TEX15: variants seen among roughly 807,000 people sequenced by gnomAD.
TEX15 encodes testis expressed 15, meiosis and synapsis associated.
TEX15 carries 171 observed loss-of-function variants against 237.3 expected under a neutral mutation model. The observed-to-expected ratio is 0.72, with a 90% CI of 0.64 to 0.82. TEX15 has a LOEUF of 0.82. Among genes scored for constraint, TEX15 ranks in the 40% least tolerant of loss-of-function variants. TEX15 has a pLI of 0.00. For missense variants in TEX15, 3,750 were observed against 3,646.5 expected (o/e 1.03, Z -0.73); for synonymous variants, 1,338 against 1,269.8 (o/e 1.05, Z -1.14).
chr8:30,841,168 C>T (rs971057586), intron 8 of TEX15, among the ~76,000 whole-genome samples: 1 of 152,196 alleles, frequency 6.6e-6, no homozygotes, highest in African/African-American at 2.4e-5. Flanking sequence ...AGTCTGCCCA[C>T]CTTGGCCTCC....
chr8:30,886,031 AT>A (rs1486743511), intron 3 of TEX15, among the ~76,000 whole-genome samples: 1 of 152,100 alleles, frequency 6.6e-6, no homozygotes, highest in African/African-American at 2.4e-5. Flanking sequence ...TTCTCAGTTA[AT>A]TATAGTTCCA....
At chr8:30,851,055 C>G (rs904874754) in intron 7 of TEX15, among the ~76,000 whole-genome samples, 1 of 152,100 alleles carries the variant, frequency 6.6e-6, no homozygotes, top group African/African-American at 2.4e-5. Flanking sequence ...TCCTGGAAAA[C>G]AAGCTGACAG....
In TEX15 at chr8:30,842,927, C is replaced by T. The variant is rs534199129; in HGVS notation, c.7240G>A (p.Asp2414Asn). 1 of 1,609,610 alleles carries T rather than the reference C, an allele frequency of 6.2e-7. No homozygotes were observed. The highest frequency in any genetic ancestry group is 1.1e-5 in the South Asian group (1 of 90,482). ...YFQMLQDNNM[D>N]NIFITEENVL... ...TTTTCTTCTGTGATAAAAATATTAT[C>T]CATGTTATTATCTTGTAGCATCTGA... Residue 2414 changes from aspartate (D) to asparagine (N), a missense_variant, in exon 8 of 11, where the codon GAT becomes AAT. Asp to Asn is a conservative substitution (Grantham distance 23, BLOSUM62 1). Transcript: ENST00000643185.
intron 10 of TEX15, among the ~76,000 whole-genome samples, chr8:30,836,577 A>G (rs1331526774): frequency 6.6e-6 from 1 of 152,174 alleles, no homozygotes; most frequent in Non-Finnish European, 1.5e-5. Context: ...TGAAGAACAA[A>G]CATGTCAAGG....
intron 4 of TEX15, among the ~76,000 whole-genome samples, chr8:30,873,757 G>T (rs548293152): frequency 2.0e-5 from 3 of 152,196 alleles, no homozygotes; most frequent in African/African-American, 7.2e-5. Context: ...TATACTAGGA[G>T]AATGAGACAC....
chr8:30,847,167 G>A lies in TEX15; in HGVS notation c.3000C>T (p.Asp1000=), dbSNP rs150062151. The stretch of plus-strand genomic sequence containing the variant: ...CTTTAAACTGGTATATCTGGTGATC[G>A]TCATTATTTAGGCTTAATGCAGGCA... The part of the protein sequence containing the change: ...ATMPALSLNN[D]DHQIYQFKET... The change falls in exon 8 of 11, where the codon GAC becomes GAT. Residue 1000 remains aspartate (D), a synonymous_variant. Transcript: ENST00000643185. 5.0e-5 allele frequency: 81 copies of A among 1,613,688 alleles called. No homozygotes were observed. The highest frequency in any genetic ancestry group is 5.7e-5 in the Non-Finnish European group (67 of 1,179,838).
intron 8 of TEX15, 97 bp from the exon 9 acceptor site, chr8:30,840,061 T>C: frequency 4.6e-6 from 3 of 657,720 alleles, no homozygotes; most frequent in Non-Finnish European, 7.0e-6. Flanking sequence ...AATTGCTTGT[T>C]CTGCCATCAT....
Position 30,837,206 on chromosome 8 carries a change from T to C in TEX15, c.9078A>G (p.Pro3026=), listed in dbSNP as rs981460790. ...ATAAATGCTCAGAAGAATTATATGT[T>C]GGGTTACATGCAGACTGTGGAAGTT... ...WNELPQSACN[P]TYNSSEHLFG... is the part of the protein sequence containing the mutation. The change falls in exon 10 of 11, where the codon CCA becomes CCG. Residue 3026 remains proline (P), a synonymous_variant. Transcript: ENST00000643185. 1 of 1,614,040 alleles carries C rather than the reference T, an allele frequency of 6.2e-7. No individual in the cohort carries two copies. Among genetic ancestry groups the C allele is most frequent in the African/African-American group, 1.3e-5 (1 of 74,924 alleles).
rs1807645733 is a variant in TEX15, at chr8:30,847,417, T to A, written c.2750A>T (p.Glu917Val). The change falls in exon 8 of 11, where the codon GAA becomes GTA. Residue 917 changes from glutamate (E) to valine (V), a missense_variant. Glu to Val is a moderately radical substitution (Grantham distance 121, BLOSUM62 -2). Coordinates refer to ENST00000643185, the MANE Select transcript of TEX15 (RefSeq NM_001350162.2). ...YHNIEILSSE[E>V]FSTKFNLICR... ...AATCAAGTTAAATTTAGTAGAAAAT[T>A]CTTCAGAACTCAAAATTTCTATATT... 1 of 1,611,698 alleles carries A rather than the reference T, an allele frequency of 6.2e-7. No individual in the cohort carries two copies. The highest frequency in any genetic ancestry group is 8.5e-7 in the Non-Finnish European group (1 of 1,179,424).
chr8:30,860,956 T>C (rs1425640172), intron 5 of TEX15, among the ~76,000 whole-genome samples: 1 of 151,574 alleles, frequency 6.6e-6, no homozygotes, highest in African/African-American at 2.4e-5. Flanking sequence ...CAATTGACAA[T>C]GATGGAACAG....
At chr8:30,871,794 G>C (rs973398090) in intron 4 of TEX15, among the ~76,000 whole-genome samples, 13 of 152,062 alleles carry the variant, frequency 8.5e-5, no homozygotes, top group African/African-American at 3.1e-4. Flanking sequence ...ATGATCACAT[G>C]GATGAAATGC....
intron 3 of TEX15, among the ~76,000 whole-genome samples, chr8:30,883,031 A>G (rs1808563140): frequency 6.6e-6 from 1 of 152,182 alleles, no homozygotes; most frequent in African/African-American, 2.4e-5. Flanking sequence ...TTGGCCTTCC[A>G]AAGTGCTGGG....
rs771958199 is a variant in TEX15, at chr8:30,843,328, C to T, written c.6839G>A (p.Trp2280Ter). ...IFFDAAKNLVWKERTQSFSKK... is the reference protein window; with the variant it reads ...IFFDAAKNLV ...GCTGAAGGATTGTGTTCTCTCTTTC[C>T]AAACAAGATTTTTTGCAGCATCAAA... Residue 2280 changes from tryptophan (W) to a stop codon, truncating the protein, a stop_gained, in exon 8 of 11, where the codon TGG becomes TAG. Coordinates refer to ENST00000643185, the MANE Select transcript of TEX15 (RefSeq NM_001350162.2). LOFTEE classifies it high-confidence loss of function. 1.9e-6 allele frequency: 3 copies of T among 1,611,474 alleles called. No individual in the cohort carries two copies. Among genetic ancestry groups the T allele is most frequent in the Non-Finnish European group, 2.5e-6 (3 of 1,179,276 alleles).
In TEX15 at chr8:30,845,814, T is replaced by C. The variant is rs1207921924; in HGVS notation, c.4353A>G (p.Lys1451=). The C allele has an allele frequency of 6.2e-7, 1 of 1,609,062 alleles. No individual in the cohort carries two copies. The highest frequency in any genetic ancestry group is 1.7e-5 in the Admixed American group (1 of 58,992). Residue 1451 remains lysine, a synonymous_variant, in exon 8 of 11, where the codon AAA becomes AAG. Coordinates refer to ENST00000643185, the MANE Select transcript of TEX15 (RefSeq NM_001350162.2). ...CTCTTTTCTTTCTCCGTTTGTCATA[T>C]TTTCTTTTTGACGAAAAATGCTTAG... ...YSTKHFSSKR[K]YDKRRKKRAP...
At chr8:30,858,987 C>G (rs1039459990) in intron 6 of TEX15, among the ~76,000 whole-genome samples, 157 bp from the exon 7 acceptor site, 1 of 152,084 alleles carries the variant, frequency 6.6e-6, no homozygotes, top group Non-Finnish European at 1.5e-5. Flanking sequence ...TGAAGATGTA[C>G]AGAATTCCTT....
chr8:30,907,664 A>C (rs1200429529), intron 1 of TEX15, among the ~76,000 whole-genome samples: 1 of 141,274 alleles, frequency 7.1e-6, no homozygotes, highest in East Asian at 2.0e-4. Flanking sequence ...TATATAATTT[A>C]TATATAAATT....
At chr8:30,849,408 A>G (rs1585287013) in intron 7 of TEX15, 92 bp from the exon 8 acceptor site, 2 of 713,124 alleles carry the variant, frequency 2.8e-6, no homozygotes, top group Non-Finnish European at 4.4e-6. Flanking sequence ...ATTTTAATTG[A>G]AAGTTCAGCT....
intron 4 of TEX15, among the ~76,000 whole-genome samples, chr8:30,868,314 T>C (rs1808218896): frequency 6.6e-6 from 1 of 152,038 alleles, no homozygotes; most frequent in Non-Finnish European, 1.5e-5. Flanking sequence ...TTAGATATTC[T>C]ATATGGCTTG....
intron 2 of TEX15, among the ~76,000 whole-genome samples, chr8:30,888,429 C>A (rs1183681628): frequency 1.3e-5 from 2 of 152,068 alleles, no homozygotes; most frequent in Non-Finnish European, 2.9e-5. Context: ...AAGACAACAT[C>A]AAATATTGCT....
Sources: gnomAD v4.1 joint callset for allele counts (sites outside exome capture counted in the v4.1 genomes callset) on GRCh38, gnomAD v4.1.1 for gene constraint, MANE v1.5 for transcripts, NCBI Gene and HGNC (gene_info 2026-07-23, HGNC 2026-07-21) for gene names.